Variants in CTNND2 observed in about 807,000 individuals in gnomAD.
The protein encoded by CTNND2 is catenin delta 2.
A neutral mutation model predicts 144.4 loss-of-function variants in CTNND2; 22 were observed. The ratio of observed to expected loss-of-function variants is 0.15; its 90% CI spans 0.11 to 0.22. CTNND2 has a LOEUF of 0.22. CTNND2 is among the 10% of genes least tolerant of loss of function. The pLI is 1.00. For synonymous variants in CTNND2, 751 were observed against 695.6 expected (o/e 1.08, Z -1.25); for missense variants, 1,353 against 1,618.8 (o/e 0.84, Z 2.82).
At chr5:11,239,935 T>C (rs1742040079) in intron 9 of CTNND2, among the ~76,000 whole-genome samples, 1 of 152,180 alleles carries the variant, frequency 6.6e-6, no homozygotes. Flanking sequence ...GTTGGTCATC[T>C]TTGTCAGCTG....
intron 18 of CTNND2, among the ~76,000 whole-genome samples, chr5:11,012,077 C>T (rs1340326991): frequency 1.3e-5 from 2 of 152,182 alleles, no homozygotes; most frequent in East Asian, 3.8e-4. Context: ...GCCAATCAAA[C>T]AGCTTGGAAA....
At chr5:11,742,973 A>G (rs1788100682) in intron 1 of CTNND2, among the ~76,000 whole-genome samples, 1 of 152,236 alleles carries the variant, frequency 6.6e-6, no homozygotes. Flanking sequence ...AATAGGCATC[A>G]TGTCATTCTC....
chr5:11,819,379 A>G (rs4340916), intron 1 of CTNND2, among the ~76,000 whole-genome samples: 138,947 of 152,202 alleles, frequency 0.91, 64,519 homozygotes, highest in East Asian at 1. Flanking sequence ...AGGTGGCAGT[A>G]AGCTGACATC....
At chr5:11,579,456 T>C (rs774619211) in intron 2 of CTNND2, among the ~76,000 whole-genome samples, 6 of 152,214 alleles carry the variant, frequency 3.9e-5, no homozygotes, top group Non-Finnish European at 5.9e-5. Flanking sequence ...CCAGATGCTC[T>C]TGGTACACTG....
At position 11,207,805 on chromosome 5, in the gene CTNND2, T is replaced by C. The variant is rs542678668; in HGVS notation, c.1762-8144A>G. ...TGCCACTACTATGGCATTTAAGCAA[T>C]TTTTAATCCATAATAAAGTGAAGAC... On this transcript the variant is annotated intron_variant, in intron 10 of 21. Coordinates refer to ENST00000304623, the MANE Select transcript of CTNND2 (RefSeq NM_001332.4). Among the ~76,000 whole-genome samples, 8 of 152,322 alleles carry C rather than the reference T, an allele frequency of 5.3e-5. No homozygotes were observed. In the South Asian group the frequency reaches 1.7e-3, roughly 32 times the overall value.
chr5:11,460,940 T>G (rs1766159794), intron 3 of CTNND2, among the ~76,000 whole-genome samples: 1 of 151,988 alleles, frequency 6.6e-6, no homozygotes, highest in Admixed American at 6.6e-5. Flanking sequence ...TCCCAGCTAC[T>G]TGGGAGGCTG....
chr5:11,422,028 G>A (rs569482090), intron 3 of CTNND2, among the ~76,000 whole-genome samples: 4 of 152,196 alleles, frequency 2.6e-5, no homozygotes, highest in Admixed American at 6.5e-5. Context: ...CACTCCAGCC[G>A]CCCAACAAAA....
chr5:11,635,018 TTA>T (rs1425706538), intron 2 of CTNND2, among the ~76,000 whole-genome samples: 1 of 151,926 alleles, frequency 6.6e-6, no homozygotes, highest in Non-Finnish European at 1.5e-5. Flanking sequence ...GAGGTAGGGA[TTA>T]TACAGCACTC....
At chr5:11,168,666 C>T (rs2149783131) in intron 11 of CTNND2, among the ~76,000 whole-genome samples, 1 of 152,264 alleles carries the variant, frequency 6.6e-6, no homozygotes, top group South Asian at 2.1e-4. Flanking sequence ...AGACTATACT[C>T]TTTTATCTGA....
At chr5:11,848,764 G>A (rs557357628) in intron 1 of CTNND2, among the ~76,000 whole-genome samples, 1 of 152,270 alleles carries the variant, frequency 6.6e-6, no homozygotes, top group South Asian at 2.1e-4. Context: ...TGTGTATCAT[G>A]TGAGTCAAAT....
At chr5:11,397,377 A>AT (rs1581108538) in intron 5 of CTNND2, among the ~76,000 whole-genome samples, 174 bp from the exon 6 acceptor site, 1 of 129,292 alleles carries the variant, frequency 7.7e-6, no homozygotes, top group African/African-American at 4.7e-5. Context: ...CTCAGATGAG[A>AT]TTTTTTATTT....
chr5:11,021,266 T>G (rs1385957137), intron 17 of CTNND2, among the ~76,000 whole-genome samples: 1 of 152,218 alleles, frequency 6.6e-6, no homozygotes, highest in East Asian at 1.9e-4. Context: ...TCTCTAACTG[T>G]ATAATTCAGA....
chr5:11,740,342 G>A (rs891980252), intron 1 of CTNND2, among the ~76,000 whole-genome samples: 3 of 151,910 alleles, frequency 2.0e-5, no homozygotes, highest in Admixed American at 6.6e-5. Context: ...CAAAACAGAC[G>A]AATAGACCAA....
At chr5:11,834,201 A>G (rs189132212) in intron 1 of CTNND2, among the ~76,000 whole-genome samples, 2 of 152,338 alleles carry the variant, frequency 1.3e-5, no homozygotes, top group Admixed American at 1.3e-4. Context: ...TCAAATGCTC[A>G]TAAAAATATT....
intron 2 of CTNND2, among the ~76,000 whole-genome samples, chr5:11,729,786 A>G (rs1787232541): frequency 6.6e-6 from 1 of 152,216 alleles, no homozygotes; most frequent in African/African-American, 2.4e-5. Context: ...AGCAATTTAT[A>G]TTCCCATTTG....
At chr5:11,512,079 T>A (rs1191163154) in intron 3 of CTNND2, among the ~76,000 whole-genome samples, 1 of 152,114 alleles carries the variant, frequency 6.6e-6, no homozygotes, top group Non-Finnish European at 1.5e-5. Flanking sequence ...TGATCTCACC[T>A]CTCCCTCATT....
At chr5:11,203,723 T>C (rs1056587400) in intron 10 of CTNND2, among the ~76,000 whole-genome samples, 2 of 152,240 alleles carry the variant, frequency 1.3e-5, no homozygotes, top group African/African-American at 2.4e-5. Context: ...TTAGGTTTCA[T>C]AGCATTAAAA....
chr5:11,636,892 C>G (rs1245395686), intron 2 of CTNND2, among the ~76,000 whole-genome samples: 1 of 152,102 alleles, frequency 6.6e-6, no homozygotes, highest in African/African-American at 2.4e-5. Context: ...CAATCCCACA[C>G]ATGGGCTTTT....
intron 9 of CTNND2, among the ~76,000 whole-genome samples, chr5:11,239,776 C>T (rs1455198813): frequency 6.6e-6 from 1 of 152,230 alleles, no homozygotes; most frequent in South Asian, 2.1e-4. Context: ...AATGCGGGGC[C>T]TCAGGCTCTT....
Sources: allele counts gnomAD v4.1 joint callset (sites outside exome capture counted in the v4.1 genomes callset), GRCh38; gene constraint gnomAD v4.1.1; transcripts MANE v1.5; gene names NCBI Gene and HGNC (gene_info 2026-07-23, HGNC 2026-07-21).